Variants in MACC1 observed in about 807,000 individuals in gnomAD.
MACC1 encodes the protein metastasis-associated in colon cancer protein 1.
A neutral mutation model predicts 70.7 loss-of-function variants in MACC1; 79 were observed. The observed-to-expected ratio is 1.12, with a 90% CI of 0.93 to 1.35. The LOEUF (loss-of-function observed/expected upper bound fraction) is 1.35. Ranked by LOEUF, MACC1 falls within the 40% of genes most tolerant of loss-of-function variation. The probability of loss-of-function intolerance (pLI) is 0.00; values close to 1 mark genes in which losing one functional copy is unlikely to be tolerated. For synonymous variants in MACC1, 361 were observed against 347.2 expected, an observed-to-expected ratio of 1.04 and a Z score of -0.44; for missense variants, 1,106 against 978.1, an observed-to-expected ratio of 1.13 and a Z score of -1.74.
intron 1 of MACC1, among the ~76,000 whole-genome samples, chr7:20,197,316 G>C (rs149985484): frequency 3.9e-5 from 6 of 152,268 alleles, no homozygotes; most frequent in African/African-American, 1.2e-4. Context: ...CTTCTTTTCA[G>C]ATTTCCTTTC....
chr7:20,212,944 A>C (rs910496181), intron 1 of MACC1, among the ~76,000 whole-genome samples: 17 of 152,142 alleles, frequency 1.1e-4, no homozygotes, highest in Non-Finnish European at 2.2e-4. Context: ...TCCACCTAGT[A>C]AAAAGAAATG....
chr7:20,209,540 G>C, intron 1 of MACC1, among the ~76,000 whole-genome samples: 1 of 152,244 alleles, frequency 6.6e-6, no homozygotes, highest in Non-Finnish European at 1.5e-5. Flanking sequence ...TATTTAACCA[G>C]TGCCTGTACT....
chr7:20,178,261 TCACACACACA>T (rs71020623), intron 1 of MACC1, among the ~76,000 whole-genome samples: 42 of 98,918 alleles, frequency 4.2e-4, no homozygotes, highest in South Asian at 7.2e-4. Context: ...TAATCTTATT[TCACACACACA>T]CACACACACA....
At chr7:20,149,465 A>T (rs1379532798) in intron 6 of MACC1, among the ~76,000 whole-genome samples, 2 of 152,196 alleles carry the variant, frequency 1.3e-5, no homozygotes, top group Non-Finnish European at 2.9e-5. Context: ...TCCAGTGAGT[A>T]AGATAGTATT....
At position 20,158,817 on chromosome 7, in the gene MACC1, G is replaced by T. The variant is rs975263; in HGVS notation, c.1544C>A (p.Ser515Ter). The change falls in exon 5 of 7, where the codon TCG becomes TAG. Residue 515 changes from serine to a stop codon, truncating the protein, a stop_gained. Coordinates refer to ENST00000400331, the MANE Select transcript of MACC1 (RefSeq NM_182762.4). LOFTEE classifies it high-confidence loss of function. ...CTTCTGCAAATAGCCTGGCAGATTC[G>T]AGAGTCTTTTTAGGTTTGGGGTTGG... is the stretch of plus-strand genomic sequence containing the variant. ...PDPTPNLKRL[S>*]NLPGYLQKKE... 2 of 1,613,638 alleles carry T rather than the reference G, an allele frequency of 1.2e-6. No individual in the cohort carries two copies. Among genetic ancestry groups the T allele is most frequent in the Non-Finnish European group, 1.7e-6 (2 of 1,179,890 alleles).
chr7:20,142,187 T>A (rs1000911412), intron 6 of MACC1, among the ~76,000 whole-genome samples: 2 of 152,200 alleles, frequency 1.3e-5, no homozygotes, highest in Non-Finnish European at 1.5e-5. Flanking sequence ...CACAGTTCAG[T>A]AATATCACAT....
At chr7:20,190,125 G>T (rs1007961940) in intron 1 of MACC1, among the ~76,000 whole-genome samples, 1 of 151,944 alleles carries the variant, frequency 6.6e-6, no homozygotes, top group Non-Finnish European at 1.5e-5. Flanking sequence ...TCAACATTTT[G>T]GACTGAAGGA....
At chr7:20,182,141 T>C (rs1394589569) in intron 1 of MACC1, among the ~76,000 whole-genome samples, 1 of 127,536 alleles carries the variant, frequency 7.8e-6, no homozygotes, top group African/African-American at 3.1e-5. Flanking sequence ...AATTGAACAA[T>C]GAGAACACAT....
chr7:20,209,423 G>C (rs999988436), intron 1 of MACC1, among the ~76,000 whole-genome samples: 2 of 152,236 alleles, frequency 1.3e-5, no homozygotes, highest in African/African-American at 2.4e-5. Flanking sequence ...AGTCAAATGA[G>C]ATCATTCTGG....
intron 1 of MACC1, among the ~76,000 whole-genome samples, chr7:20,188,364 C>T (rs991958693): frequency 1.3e-5 from 2 of 152,184 alleles, no homozygotes; most frequent in Admixed American, 6.5e-5. Context: ...TCAGCCAAGT[C>T]TCACCTCTCA....
rs2128107489 is a variant in MACC1 at position 20,194,273 on chromosome 7, T to C, written c.-218+23026A>G. On this transcript the variant is annotated intron_variant, in intron 1 of 6. Transcript: ENST00000400331. ...TCTTGGATAATAAAATTTTAAGCAA[T>C]AAAAAGAAAAGAATTAAAAGGAAAG... 2.6e-5 allele frequency among the ~76,000 whole-genome samples: 4 copies of C among 152,166 alleles called. No homozygotes were observed. In the South Asian group the frequency reaches 8.3e-4, roughly 32 times the overall value.
chr7:20,160,379 G>T, intron 4 of MACC1, 134 bp from the exon 5 acceptor site: 1 of 1,030,504 alleles, frequency 9.7e-7, no homozygotes, highest in Non-Finnish European at 1.3e-6. Flanking sequence ...TAGTCTACTA[G>T]CTAACATAAA....
chr7:20,167,779 T>C (rs552883439), intron 2 of MACC1, among the ~76,000 whole-genome samples: 1 of 152,132 alleles, frequency 6.6e-6, no homozygotes, highest in Non-Finnish European at 1.5e-5. Flanking sequence ...ACCTGCATCA[T>C]GGGCATGTGA....
chr7:20,149,988 T>C (rs1423358923), intron 6 of MACC1, among the ~76,000 whole-genome samples: 3 of 152,180 alleles, frequency 2.0e-5, no homozygotes, highest in Non-Finnish European at 4.4e-5. Flanking sequence ...TCAGTTTGTA[T>C]ATATGTAAAG....
At chr7:20,166,556 AAGT>A (rs1782222841) in intron 2 of MACC1, among the ~76,000 whole-genome samples, 1 of 152,162 alleles carries the variant, frequency 6.6e-6, no homozygotes, top group African/African-American at 2.4e-5. Context: ...TAAATACTTC[AAGT>A]GTTGCAGCTG....
intron 1 of MACC1, among the ~76,000 whole-genome samples, chr7:20,171,708 T>G (rs1782310621): frequency 1.3e-5 from 2 of 151,312 alleles, no homozygotes; most frequent in Admixed American, 6.6e-5. Flanking sequence ...CAGCCTCCCA[T>G]GTAGCTGGGA....
In MACC1 at chr7:20,159,194, T is replaced by C. The variant is rs1220694344; in HGVS notation, c.1167A>G (p.Thr389=). The change falls in exon 5 of 7, where the codon ACA becomes ACG. Residue 389 remains threonine (T), a synonymous_variant. Transcript: ENST00000400331. The part of the protein sequence containing the change: ...YIHPSFTVVL[T]VCGHNYMPGQ... ...CTGGCATATAATTGTGTCCACAAACTGTTAAAACAACAGTAAAACTGGGAT... is the reference window on the plus strand; with the variant it reads ...CTGGCATATAATTGTGTCCACAAACCGTTAAAACAACAGTAAAACTGGGAT... 6.2e-7 allele frequency: 1 copy of C among 1,613,952 alleles called. No individual in the cohort carries two copies. The highest frequency in any genetic ancestry group is 1.1e-5 in the South Asian group (1 of 91,038).
intron 6 of MACC1, among the ~76,000 whole-genome samples, chr7:20,150,230 G>A (rs1447378787): frequency 1.3e-5 from 2 of 152,150 alleles, no homozygotes; most frequent in East Asian, 1.9e-4. Context: ...TAATCATATT[G>A]TGTGTTTTTT....
rs1200778857 is a variant in MACC1 at position 20,159,124 on chromosome 7, AT to A, written c.1236del (p.Ser413LeufsTer21). On this transcript the variant is annotated frameshift_variant, in exon 5 of 7. Transcript: ENST00000400331. LOFTEE classifies it high-confidence loss of function. Reference protein sequence around the residue: ...ISDIKKGGKNISPVVFQLWGK... With the variant: ...ISDIKKGGKNXSPVVFQLWGK... ...CCCCAGAGCTGAAACACAACTGGAG[AT>A]ATGTTTTTTCCACCCTTCTTAATAT... is the stretch of plus-strand genomic sequence containing the variant. 1 of 1,613,792 alleles carries A rather than the reference AT, an allele frequency of 6.2e-7. No homozygotes were observed. Among genetic ancestry groups the A allele is most frequent in the African/African-American group, 1.3e-5 (1 of 74,990 alleles).
Sources: allele counts gnomAD v4.1 joint callset (sites outside exome capture counted in the v4.1 genomes callset), GRCh38; gene constraint gnomAD v4.1.1; transcripts MANE v1.5; gene names NCBI Gene and HGNC (gene_info 2026-07-23, HGNC 2026-07-21).